The following OPCML variants were observed in gnomAD, a reference collection of about 807,000 sequenced individuals.
The protein encoded by OPCML is opioid binding protein/cell adhesion molecule like, also known as opioid-binding protein/cell adhesion molecule.
OPCML carries 13 observed loss-of-function variants against 37.8 expected under a neutral mutation model. The observed-to-expected ratio is 0.34, with a 90% CI of 0.22 to 0.55. The LOEUF (loss-of-function observed/expected upper bound fraction) is 0.55. OPCML is among the 20% of genes least tolerant of loss of function. OPCML has a pLI of 0.91. For missense variants in OPCML, 341 were observed against 435.6 expected (o/e 0.78, Z 1.93); for synonymous variants, 176 against 168.8 (o/e 1.04, Z -0.33).
At chr11:132,684,882 A>G (rs565660060) in intron 2 of OPCML, among the ~76,000 whole-genome samples, 11 of 152,224 alleles carry the variant, frequency 7.2e-5, no homozygotes, top group Non-Finnish European at 1.5e-4. Flanking sequence ...TCTTAAAGCT[A>G]TATTTTAAAA....
At position 133,426,434 on chromosome 11, in the gene OPCML, T is replaced by C. The variant is rs115587031; in HGVS notation, c.61+105830A>G. Among the ~76,000 whole-genome samples, 505 of 152,284 alleles carry C rather than the reference T, an allele frequency of 3.3e-3. 5 individuals carry two copies. The highest frequency in any genetic ancestry group is 0.012 in the African/African-American group (482 of 41,546). ...CCCAAAAGCAGACACAGAGATACTC[T>C]ATTTTTTCTGTTCTATCTCCCTGTC... is the stretch of plus-strand genomic sequence containing the variant. On this transcript the variant is annotated intron_variant, in intron 1 of 7. Coordinates refer to ENST00000524381, the MANE Select transcript of OPCML (RefSeq NM_001012393.5).
At chr11:132,546,930 C>T (rs1214226418) in intron 3 of OPCML, among the ~76,000 whole-genome samples, 1 of 152,132 alleles carries the variant, frequency 6.6e-6, no homozygotes, top group Non-Finnish European at 1.5e-5. Flanking sequence ...CCTGTGTGGC[C>T]CTACCTTCCA....
intron 1 of OPCML, among the ~76,000 whole-genome samples, chr11:133,233,635 T>A (rs1400135401): frequency 1.3e-5 from 2 of 152,232 alleles, no homozygotes; most frequent in Non-Finnish European, 2.9e-5. Context: ...TCCTTTGTCT[T>A]GTCACATCTC....
At chr11:133,136,282 A>G (rs1400639453) in intron 1 of OPCML, among the ~76,000 whole-genome samples, 1 of 152,198 alleles carries the variant, frequency 6.6e-6, no homozygotes, top group African/African-American at 2.4e-5. Context: ...AAGAGTGGGA[A>G]TAAAGCTTTT....
intron 1 of OPCML, among the ~76,000 whole-genome samples, chr11:133,249,760 A>G (rs917627084): frequency 7.9e-5 from 12 of 152,248 alleles, no homozygotes; most frequent in South Asian, 2.1e-4. Context: ...TTCCATCAGC[A>G]TTAAGTGGTT....
In OPCML at chr11:133,343,289, T is replaced by C. The variant is rs566419874; in HGVS notation, c.61+188975A>G. 2.6e-5 allele frequency among the ~76,000 whole-genome samples: 4 copies of C among 152,298 alleles called. No homozygotes were observed. In the East Asian group the frequency reaches 7.7e-4, roughly 29 times the overall value. On this transcript the variant is annotated intron_variant, in intron 1 of 7. Transcript: ENST00000524381. ...ACTCGGGGGTTCTTTGTGTTGCCCA[T>C]CCTCACAGGGCCTACGTCACTCTTT...
intron 2 of OPCML, among the ~76,000 whole-genome samples, chr11:132,735,493 G>T (rs1171726353): frequency 2.0e-5 from 3 of 151,634 alleles, no homozygotes; most frequent in Non-Finnish European, 4.4e-5. Context: ...TGTTGTTGTT[G>T]TTTTTTTTCT....
chr11:132,687,392 A>T (rs1246393370), intron 2 of OPCML, among the ~76,000 whole-genome samples: 1 of 74,988 alleles, frequency 1.3e-5, no homozygotes, highest in African/African-American at 8.8e-5. Context: ...ATATATATAT[A>T]TATATATATA....
Position 133,140,994 on chromosome 11 carries a change from AGAAGACGACGACGACGAC to A in OPCML, c.62-198002_62-197985del, listed in dbSNP as rs1352095569. Among the ~76,000 whole-genome samples, 3 of 4,084 alleles carry A rather than the reference AGAAGACGACGACGACGAC, an allele frequency of 7.3e-4. 1 individual carries two copies. The highest frequency in any genetic ancestry group is 1.3e-3 in the African/African-American group (3 of 2,318). 2.7% of individuals were successfully genotyped at this position (4,084 alleles called of 152,430 possible). ...AAGAAGAAGAAGAAGAAGAAGAAGAAGAAGACGACGACGACGACGACGACGACGACGACGACGACGACG... is the reference window on the plus strand; with the variant it reads ...AAGAAGAAGAAGAAGAAGAAGAAGAAGACGACGACGACGACGACGACGACG... On this transcript the variant is annotated intron_variant, in intron 1 of 7. Coordinates refer to ENST00000524381, the MANE Select transcript of OPCML (RefSeq NM_001012393.5).
intron 1 of OPCML, among the ~76,000 whole-genome samples, chr11:133,221,615 C>T (rs1939835058): frequency 6.6e-6 from 1 of 152,168 alleles, no homozygotes. Context: ...AGGTGCAAGG[C>T]AGTGTCTCTG....
At chr11:133,474,383 A>G (rs1947188340) in intron 1 of OPCML, among the ~76,000 whole-genome samples, 1 of 152,238 alleles carries the variant, frequency 6.6e-6, no homozygotes, top group South Asian at 2.1e-4. Flanking sequence ...AAAGTGAACA[A>G]CTAGAATGCC....
At chr11:133,474,110 A>G (rs1436062846) in intron 1 of OPCML, among the ~76,000 whole-genome samples, 2 of 152,152 alleles carry the variant, frequency 1.3e-5, no homozygotes, top group Non-Finnish European at 2.9e-5. Context: ...ATTTCATTTA[A>G]TAAGTAAATT....
At chr11:133,294,822 T>C (rs1335164110) in intron 1 of OPCML, among the ~76,000 whole-genome samples, 4 of 124,874 alleles carry the variant, frequency 3.2e-5, no homozygotes, top group Non-Finnish European at 5.1e-5. Context: ...TTTCTTTTTT[T>C]TTTTTTTTTT....
intron 1 of OPCML, among the ~76,000 whole-genome samples, chr11:133,156,104 C>A (rs972644354): frequency 6.6e-6 from 1 of 152,198 alleles, no homozygotes; most frequent in Admixed American, 6.5e-5. Flanking sequence ...TATCACTCCC[C>A]TCCTTACACA....
At chr11:132,756,190 C>T (rs73601335) in intron 2 of OPCML, among the ~76,000 whole-genome samples, 3,112 of 152,188 alleles carry the variant, frequency 0.02, 84 homozygotes, top group African/African-American at 0.068. Flanking sequence ...TTTATGTATA[C>T]GCCTACAAGA....
intron 2 of OPCML, among the ~76,000 whole-genome samples, chr11:132,918,797 GA>G (rs11315177): frequency 0.11 from 17,068 of 151,450 alleles, 1,161 homozygotes; most frequent in East Asian, 0.34. Context: ...CACCAGGGTT[GA>G]AAAAAAACAT....
intron 1 of OPCML, among the ~76,000 whole-genome samples, chr11:133,452,496 G>A (rs1220924855): frequency 2.6e-5 from 4 of 151,352 alleles, no homozygotes; most frequent in Non-Finnish European, 5.9e-5. Flanking sequence ...CTGGTAAAGT[G>A]GAGAGAGTAT....
intron 1 of OPCML, among the ~76,000 whole-genome samples, chr11:132,987,092 C>T (rs1247167699): frequency 2.6e-5 from 4 of 152,224 alleles, no homozygotes; most frequent in Admixed American, 6.5e-5. Context: ...CCTCTTCTTT[C>T]GACAACACTT....
Position 132,516,294 on chromosome 11 carries a change from G to A in OPCML, c.505+12767C>T, listed in dbSNP as rs536363231. On this transcript the variant is annotated intron_variant, in intron 4 of 7. Transcript: ENST00000524381. ...TTCCTGCAGGCTCCTAATACAGCTA[G>A]GACTTGAAGTGCCTTCTCCAAACAT... Among the ~76,000 whole-genome samples the A allele has an allele frequency of 6.6e-5, 10 of 152,270 alleles. No homozygotes were observed. In the South Asian group the frequency reaches 2.1e-3, roughly 32 times the overall value.
Sources: allele counts gnomAD v4.1 joint callset (sites outside exome capture counted in the v4.1 genomes callset), GRCh38; gene constraint gnomAD v4.1.1; transcripts MANE v1.5; gene names NCBI Gene and HGNC (gene_info 2026-07-23, HGNC 2026-07-21).